ARPC1B: variants seen among roughly 807,000 people sequenced by gnomAD.
ARPC1B encodes the protein actin-related protein 2/3 complex subunit 1B.
ARPC1B carries 29 observed loss-of-function variants against 46.0 expected under a neutral mutation model. The ratio of observed to expected loss-of-function variants is 0.63; its 90% CI spans 0.47 to 0.86. The LOEUF (loss-of-function observed/expected upper bound fraction) is 0.86. ARPC1B is among the 40% of genes least tolerant of loss of function. ARPC1B has a pLI of 0.00. For synonymous variants in ARPC1B, 201 were observed against 213.9 expected, an observed-to-expected ratio of 0.94 and a Z score of 0.53; for missense variants, 469 against 529.4, an observed-to-expected ratio of 0.89 and a Z score of 1.12.
rs758046980 is a variant in ARPC1B, at chr7:99,391,245, G to C, written c.775G>C (p.Val259Leu). Residue 259 changes from valine to leucine, a missense_variant, in exon 7 of 10, where the codon GTG becomes CTG. Coordinates refer to ENST00000646101, the MANE Select transcript of ARPC1B (RefSeq NM_005720.4). ...GACCTTCATCACAGACAACAGCCTG[G>C]TGGCAGCGGTGAGGAATAGGGAGGG... Reference protein sequence around the residue: ...ALTFITDNSLVAAGHDCFPVL... With the variant: ...ALTFITDNSLLAAGHDCFPVL... 1.2e-6 allele frequency: 2 copies of C among 1,613,946 alleles called. No homozygotes were observed. Among genetic ancestry groups the C allele is most frequent in the Non-Finnish European group, 1.7e-6 (2 of 1,179,988 alleles).
intron 1 of ARPC1B, among the ~76,000 whole-genome samples, chr7:99,384,687 T>C (rs545580870): frequency 1.3e-5 from 2 of 152,222 alleles, no homozygotes; most frequent in South Asian, 4.1e-4. Context: ...GGATGGAGAA[T>C]GGGATGTATC....
Position 99,394,453 on chromosome 7 carries a change from C to T in ARPC1B, c.1083C>T (p.Ser361=). ...DGGMSIWDVK[S]LESALKDLKI... ...CTGTCCGTTCTGCCTCCCTGCAGAGCTTGGAGTCAGCCTTGAAGGACCTCA... is the reference window on the plus strand; with the variant it reads ...CTGTCCGTTCTGCCTCCCTGCAGAGTTTGGAGTCAGCCTTGAAGGACCTCA... Residue 361 remains serine (S), a splice_region_variant and synonymous_variant, in exon 10 of 10, where the codon AGC becomes AGT. Coordinates refer to ENST00000646101, the MANE Select transcript of ARPC1B (RefSeq NM_005720.4). 4.3e-6 allele frequency: 7 copies of T among 1,613,872 alleles called. No individual in the cohort carries two copies. The highest frequency in any genetic ancestry group is 5.9e-6 in the Non-Finnish European group (7 of 1,179,842).
At chr7:99,378,925 C>G (rs1379834221) in intron 1 of ARPC1B, among the ~76,000 whole-genome samples, 1 of 151,440 alleles carries the variant, frequency 6.6e-6, no homozygotes, top group Non-Finnish European at 1.5e-5. Flanking sequence ...TACAGGCGCC[C>G]GCCACCACGC....
rs186997076 is a variant in ARPC1B at position 99,384,721 on chromosome 7, A to T, written c.-13-981A>T. On this transcript the variant is annotated intron_variant, in intron 1 of 9. Coordinates refer to ENST00000646101, the MANE Select transcript of ARPC1B (RefSeq NM_005720.4). Reference sequence around the variant, plus strand: ...TCTGTTAAATATCTGCCTTTGCCTCAGCCATGAGCCCCTGCAGACCGGCCA... The same window carrying T: ...TCTGTTAAATATCTGCCTTTGCCTCTGCCATGAGCCCCTGCAGACCGGCCA... Among the ~76,000 whole-genome samples, 28 of 152,222 alleles carry T rather than the reference A, an allele frequency of 1.8e-4. No homozygotes were observed. In the East Asian group the frequency reaches 5.4e-3, roughly 29 times the overall value.
rs1332802526 is a variant in ARPC1B at position 99,394,130 on chromosome 7, C to T, written c.1080+11C>T. 6.2e-7 allele frequency: 1 copy of T among 1,612,414 alleles called. No individual in the cohort carries two copies. Among genetic ancestry groups the T allele is most frequent in the Non-Finnish European group, 8.5e-7 (1 of 1,179,812 alleles). ...ATCTGGGATGTGAAGGTGAGGCTTG[C>T]CCCTCCTGGCTTCCCGCCATGCCTC... On this transcript the variant is annotated intron_variant, in intron 9 of 9. Transcript: ENST00000646101.
At chr7:99,394,266 C>T in intron 9 of ARPC1B, 147 bp downstream of exon 9, 1 of 1,108,718 alleles carries the variant, frequency 9.0e-7, no homozygotes, top group Non-Finnish European at 1.3e-6. Context: ...CCCTTGACAT[C>T]TGGGCCTTGG....
In ARPC1B at chr7:99,392,650, T is replaced by C. The variant is rs1220703420; in HGVS notation, c.784-21T>C. 6.1e-6 allele frequency: 9 copies of C among 1,464,222 alleles called. No individual in the cohort carries two copies. In the East Asian group the frequency reaches 8.0e-5, roughly 13 times the overall value. 90.7% of individuals were successfully genotyped at this position (1,464,222 alleles called of 1,614,324 possible). On this transcript the variant is annotated intron_variant, in intron 7 of 9. Coordinates refer to ENST00000646101, the MANE Select transcript of ARPC1B (RefSeq NM_005720.4). ...CGGTTTCCCCTCCGCGGCGCTCCAA[T>C]GGCCCCCGCCCTCCGCGCAGGGCCA...
chr7:99,392,887 G>C lies in ARPC1B; in HGVS notation c.989+11G>C, dbSNP rs1455611552. On this transcript the variant is annotated intron_variant, in intron 8 of 9. Transcript: ENST00000646101. Reference sequence around the variant, plus strand: ...CAAGAACAGCGTCAGGTGAGAGCGGGAGCCGGGCCGGCGGGTGGGCGGGGC... The same window carrying C: ...CAAGAACAGCGTCAGGTGAGAGCGGCAGCCGGGCCGGCGGGTGGGCGGGGC... The C allele has an allele frequency of 1.3e-6, 2 of 1,528,210 alleles. No individual in the cohort carries two copies. The highest frequency in any genetic ancestry group is 1.8e-6 in the Non-Finnish European group (2 of 1,133,278). The allele number at this position is 1,528,210 out of a possible 1,614,324, so 94.7% of individuals were successfully genotyped here.
chr7:99,394,151 G>GCCT, intron 9 of ARPC1B, 32 bp downstream of exon 9: 1 of 1,606,762 alleles, frequency 6.2e-7, no homozygotes. Flanking sequence ...TTCCCGCCAT[G>GCCT]CCTCCCAGGT....
At chr7:99,378,981 T>G (rs1443892708) in intron 1 of ARPC1B, among the ~76,000 whole-genome samples, 5 of 151,624 alleles carry the variant, frequency 3.3e-5, no homozygotes, top group Admixed American at 1.3e-4. Flanking sequence ...GTTTCACCGT[T>G]TTAGCCAGGA....
intron 4 of ARPC1B, 183 bp from the exon 5 acceptor site, chr7:99,389,722 C>T: frequency 1.6e-6 from 1 of 620,754 alleles, no homozygotes; most frequent in East Asian, 2.7e-5. Context: ...CCAGAAGCGA[C>T]ACAGCACATC....
intron 1 of ARPC1B, among the ~76,000 whole-genome samples, chr7:99,380,064 A>T (rs959068735): frequency 2.0e-5 from 3 of 152,158 alleles, no homozygotes; most frequent in Non-Finnish European, 4.4e-5. Flanking sequence ...CTGAGACCTT[A>T]TGCTGTCAAC....
intron 1 of ARPC1B, 27 bp from the exon 2 acceptor site, chr7:99,385,675 G>C: frequency 6.3e-7 from 1 of 1,591,866 alleles, no homozygotes; most frequent in Non-Finnish European, 8.5e-7. Flanking sequence ...GGCTGACGTG[G>C]ATTCTCTCTT....
chr7:99,383,751 G>A (rs1794296591), intron 1 of ARPC1B, among the ~76,000 whole-genome samples: 1 of 152,206 alleles, frequency 6.6e-6, no homozygotes, highest in Non-Finnish European at 1.5e-5. Context: ...CAGCACGGAA[G>A]CCCGAGGCAG....
chr7:99,391,352 C>G (rs1373353194), intron 7 of ARPC1B, 99 bp downstream of exon 7: 1 of 1,261,588 alleles, frequency 7.9e-7, no homozygotes, highest in Non-Finnish European at 1.1e-6. Context: ...TGCCTCCCTC[C>G]TTTTTTTCTT....
chr7:99,392,974 T>G lies in ARPC1B; in HGVS notation c.989+98T>G, dbSNP rs1361501838. On this transcript the variant is annotated intron_variant, in intron 8 of 9. Transcript: ENST00000646101. The stretch of plus-strand genomic sequence containing the variant: ...GGCCTGGAGTCTTCCTCCTGGGGCA[T>G]TGTGCTGGGACCTTGAGGACTGGGG... 49 of 1,273,888 alleles carry G rather than the reference T, an allele frequency of 3.8e-5. 1 individual carries two copies. The highest frequency in any genetic ancestry group is 8.4e-6 in the Non-Finnish European group (8 of 947,570). The allele number at this position is 1,273,888 out of a possible 1,614,324, so 78.9% of individuals were successfully genotyped here.
At chr7:99,388,304 G>C (rs1794461203) in intron 4 of ARPC1B, 43 bp downstream of exon 4, 1 of 1,596,580 alleles carries the variant, frequency 6.3e-7, no homozygotes, top group East Asian at 2.2e-5. Context: ...TAGGGACCGG[G>C]GGCAGGACTA....
Position 99,392,689 on chromosome 7 carries a change from G to A in ARPC1B, c.802G>A (p.Val268Met), listed in dbSNP as rs1286072629. ...CGCGCAGGGCCACGACTGCTTCCCG[G>A]TGCTGTTCACCTATGACGCCGCCGC... is the stretch of plus-strand genomic sequence containing the variant. ...LVAAGHDCFP[V>M]LFTYDAAAGM... is the part of the protein sequence containing the mutation. The change falls in exon 8 of 10, where the codon GTG (valine) becomes ATG (methionine). Residue 268 changes from valine (V) to methionine (M), a missense_variant. By Grantham distance (21) the Val-to-Met change is conservative (BLOSUM62 1). Coordinates refer to ENST00000646101, the MANE Select transcript of ARPC1B (RefSeq NM_005720.4). 17 of 1,539,180 alleles carry A rather than the reference G, an allele frequency of 1.1e-5. No individual in the cohort carries two copies. Among genetic ancestry groups the A allele is most frequent in the Non-Finnish European group, 1.5e-5 (17 of 1,139,350 alleles).
chr7:99,392,764 C>T lies in ARPC1B; in HGVS notation c.877C>T (p.Gln293Ter). The change falls in exon 8 of 10, where the codon CAG becomes TAG. Residue 293 changes from glutamine (Q) to a stop codon, truncating the protein, a stop_gained. Transcript: ENST00000646101. LOFTEE classifies it high-confidence loss of function. The stretch of plus-strand genomic sequence containing the variant: ...GCTGGACGTTCCTAAGCAGAGCTCG[C>T]AGCGTGGCTTGACGGCCCGCGAGCG... ...GRLDVPKQSS[Q>*]RGLTARERFQ... is the part of the protein sequence containing the mutation. 1.3e-6 allele frequency: 2 copies of T among 1,549,820 alleles called. No individual in the cohort carries two copies. Among genetic ancestry groups the T allele is most frequent in the African/African-American group, 1.4e-5 (1 of 73,164 alleles).
Sources: gnomAD v4.1 joint callset for allele counts (sites outside exome capture counted in the v4.1 genomes callset) on GRCh38, gnomAD v4.1.1 for gene constraint, MANE v1.5 for transcripts, NCBI Gene and HGNC (gene_info 2026-07-23, HGNC 2026-07-21) for gene names.